The following SNED1 variants were observed in gnomAD, a reference collection of about 807,000 sequenced individuals.
SNED1 encodes the protein sushi, nidogen and EGF like domains 1.
Under a neutral mutation model 166.7 loss-of-function variants are expected in SNED1, and 81 were observed. That is an observed-to-expected ratio of 0.49 (90% CI 0.41 to 0.58). The LOEUF (loss-of-function observed/expected upper bound fraction) is 0.58, where lower values mean the gene tolerates loss of function less well. Ranked by LOEUF, SNED1 falls within the 20% of genes least tolerant of loss-of-function variation. The pLI, the probability that SNED1 is intolerant of heterozygous loss-of-function variation, is 0.00. For synonymous variants in SNED1, 762 were observed against 822.0 expected, an observed-to-expected ratio of 0.93 and a Z score of 1.25; for missense variants, 1,604 against 2,000.2, an observed-to-expected ratio of 0.80 and a Z score of 3.78.
intron 1 of SNED1, among the ~76,000 whole-genome samples, chr2:241,025,403 A>G (rs2060928417): frequency 6.6e-6 from 1 of 152,156 alleles, no homozygotes; most frequent in Admixed American, 6.5e-5. Context: ...CTTTTAACTT[A>G]TTAATATTCA....
chr2:241,033,342 C>T (rs1407425095), intron 2 of SNED1, among the ~76,000 whole-genome samples: 2 of 152,220 alleles, frequency 1.3e-5, no homozygotes, highest in Non-Finnish European at 2.9e-5. Context: ...CTGTTAAACG[C>T]TGCAGCACGG....
intron 1 of SNED1, among the ~76,000 whole-genome samples, chr2:241,002,825 G>A (rs982911989): frequency 8.6e-5 from 13 of 151,984 alleles, no homozygotes; most frequent in South Asian, 2.1e-4. Context: ...CCTCCCTGGC[G>A]CCCACCCATC....
intron 8 of SNED1, among the ~76,000 whole-genome samples, chr2:241,048,065 T>G (rs112561724): frequency 2.0e-5 from 3 of 152,326 alleles, no homozygotes; most frequent in Non-Finnish European, 2.9e-5. Context: ...CTCCGGTGCT[T>G]CTTGTTCTGT....
rs1361060476 is a variant in SNED1 at position 241,051,864 on chromosome 2, C to T, written c.1852+4C>T. On this transcript the variant is annotated splice_donor_region_variant and intron_variant, in intron 13 of 31. Transcript: ENST00000310397. The surrounding 1 kb of genome is among the most constrained non-coding windows in gnomAD (Gnocchi z 4.7). The stretch of plus-strand genomic sequence containing the variant: ...ACTGGGAGGCACTGTGAGATCGGTG[C>T]GGCCCCCAGGGGCAGGGGGGAGGGC... 1.3e-5 allele frequency: 20 copies of T among 1,536,414 alleles called. No homozygotes were observed. The highest frequency in any genetic ancestry group is 5.5e-5 in the African/African-American group (4 of 72,976).
At chr2:241,065,631 C>G in intron 21 of SNED1, 36 bp downstream of exon 21, 1 of 1,591,392 alleles carries the variant, frequency 6.3e-7, no homozygotes, top group Non-Finnish European at 8.6e-7. Flanking sequence ...CCTGCCCAGC[C>G]CCTGCCCCTC....
intron 30 of SNED1, 109 bp from the exon 31 acceptor site, chr2:241,088,256 T>C: frequency 1.3e-6 from 1 of 792,336 alleles, no homozygotes. Context: ...CCGTGGAATG[T>C]ATGTGAGCTA....
rs201554730 is a variant in SNED1, at chr2:241,036,793, C to A, written c.809C>A (p.Ser270Tyr). 1,733 of 1,608,146 alleles carry A rather than the reference C, an allele frequency of 1.1e-3. 1 individual carries two copies. The highest frequency in any genetic ancestry group is 1.2e-3 in the Non-Finnish European group (1,448 of 1,179,632). The part of the protein sequence containing the change: ...VRVGGCGHTT[S>Y]VCLALRPCLN... ...CAGCCCCTCCCTATGTCTGCAGCGTCCGTGTGCCTGGCCCTGCGCCCCTGC... is the reference window on the plus strand; with the variant it reads ...CAGCCCCTCCCTATGTCTGCAGCGTACGTGTGCCTGGCCCTGCGCCCCTGC... Residue 270 changes from serine to tyrosine, a missense_variant, in exon 5 of 32, where the codon TCC becomes TAC. Physicochemically the swap from Ser to Tyr is moderately radical, Grantham distance 144 (BLOSUM62 -2). This residue lies in a region of SNED1 where 1,237 missense variants were observed against 1,620.8 expected (regional missense o/e 0.76). Transcript: ENST00000310397.
chr2:240,998,223 C>A (rs1169415277), upstream of SNED1, among the ~76,000 whole-genome samples: 1 of 152,258 alleles, frequency 6.6e-6, no homozygotes, highest in Non-Finnish European at 1.5e-5. Context: ...GGAAGCCTGG[C>A]GTCCCCATGC....
chr2:241,021,023 TC>T (rs2060756426), intron 1 of SNED1, among the ~76,000 whole-genome samples: 1 of 152,128 alleles, frequency 6.6e-6, no homozygotes, highest in South Asian at 2.1e-4. Context: ...CACTTAAGCA[TC>T]CCCACTGCAA....
chr2:241,090,377 T>C (rs916905331), intron 31 of SNED1: 2 of 1,550,290 alleles, frequency 1.3e-6, no homozygotes, highest in Non-Finnish European at 1.7e-6. Flanking sequence ...TGCCTTCTTC[T>C]GGAAACCTCC....
intron 21 of SNED1, 66 bp from the exon 22 acceptor site, chr2:241,067,698 T>A (rs1372620307): frequency 7.1e-7 from 1 of 1,405,854 alleles, no homozygotes; most frequent in Non-Finnish European, 9.8e-7. Context: ...GGTTTCATCT[T>A]GAGCCCCTGC....
chr2:241,026,635 T>C (rs2060979445), intron 1 of SNED1, among the ~76,000 whole-genome samples: 1 of 152,242 alleles, frequency 6.6e-6, no homozygotes, highest in Admixed American at 6.5e-5. Flanking sequence ...TTTAGTTACT[T>C]ATATCGTATT....
At position 241,052,355 on chromosome 2, in the gene SNED1, C is replaced by T. The variant is rs1357507170; in HGVS notation, c.1970C>T (p.Ala657Val). Residue 657 changes from alanine (A) to valine (V), a missense_variant and splice_region_variant, in exon 15 of 32, where the codon GCC (alanine) becomes GTC (valine). Around this residue, in one of 2 missense-constraint regions of SNED1, gnomAD observed 1,237 missense variants for 1,620.8 expected, o/e 0.76. Transcript: ENST00000310397. ...PGFSGRHCEIAPSPCFRSPCV... is the reference protein window; with the variant it reads ...PGFSGRHCEIVPSPCFRSPCV... ...CCAGGACCTTCCTGCATTCTGGCAG[C>T]CCCCTCCCCCTGCTTCCGGAGCCCG... 1.3e-6 allele frequency: 2 copies of T among 1,570,142 alleles called. No individual in the cohort carries two copies. The highest frequency in any genetic ancestry group is 3.5e-5 in the Admixed American group (2 of 56,666).
At chr2:241,050,357 G>A (rs1302290465) in intron 12 of SNED1, among the ~76,000 whole-genome samples, 2 of 152,064 alleles carry the variant, frequency 1.3e-5, no homozygotes, top group East Asian at 1.9e-4. Context: ...AGCTATCCCC[G>A]CCAGGCCCCA....
At position 241,036,827 on chromosome 2, in the gene SNED1, C is replaced by T. The variant is rs975131636; in HGVS notation, c.843C>T (p.Gly281=). 3.1e-6 allele frequency: 5 copies of T among 1,610,828 alleles called. No homozygotes were observed. The African/African-American group carries it at 5.3e-5, about 17-fold the overall frequency. ...TGGCCCTGCGCCCCTGCCTCAACGG[C>T]GGCAAGTGCATCGACGACTGCGTCA... The part of the protein sequence containing the change: ...VCLALRPCLN[G]GKCIDDCVTG... The change falls in exon 5 of 32, where the codon GGC becomes GGT. Residue 281 remains glycine (G), a synonymous_variant. Transcript: ENST00000310397.
chr2:241,052,344 C>T lies in SNED1; in HGVS notation c.1970-11C>T. 6.4e-7 allele frequency: 1 copy of T among 1,564,466 alleles called. No individual in the cohort carries two copies. The highest frequency in any genetic ancestry group is 1.3e-5 in the African/African-American group (1 of 74,168). On this transcript the variant is annotated splice_polypyrimidine_tract_variant and intron_variant, in intron 14 of 31. Coordinates refer to ENST00000310397, the MANE Select transcript of SNED1 (RefSeq NM_001080437.3). ...AGACACAGTGGCCAGGACCTTCCTGCATTCTGGCAGCCCCCTCCCCCTGCT... is the reference window on the plus strand; with the variant it reads ...AGACACAGTGGCCAGGACCTTCCTGTATTCTGGCAGCCCCCTCCCCCTGCT...
intron 1 of SNED1, among the ~76,000 whole-genome samples, chr2:241,021,921 C>T (rs2060785560): frequency 1.3e-5 from 2 of 152,062 alleles, no homozygotes; most frequent in South Asian, 2.1e-4. Flanking sequence ...TTCTCATCAA[C>T]ACGGGTTATT....
intron 1 of SNED1, among the ~76,000 whole-genome samples, chr2:241,014,959 GGCTCTCCCTCCT>G (rs1167755206): frequency 6.6e-6 from 1 of 152,146 alleles, no homozygotes; most frequent in Non-Finnish European, 1.5e-5. Flanking sequence ...GCTGTTCCCG[GGCTCTCCCTCCT>G]GCTTCTCTGT....
At position 241,053,339 on chromosome 2, in the gene SNED1, G is replaced by T. The variant is rs764992366; in HGVS notation, c.2257+13G>T. The T allele has an allele frequency of 3.9e-6, 6 of 1,552,982 alleles. No homozygotes were observed. Among genetic ancestry groups the T allele is most frequent in the Non-Finnish European group, 5.2e-6 (6 of 1,147,136 alleles). On this transcript the variant is annotated intron_variant, in intron 16 of 31. Transcript: ENST00000310397. ...CCCCAGTGCCTTGGTGATTCTGTGG[G>T]CCCTTGGGGTGGGGCAGGTGGGGCC...
Sources: gnomAD v4.1 joint callset for allele counts (sites outside exome capture counted in the v4.1 genomes callset) on GRCh38, gnomAD v4.1.1 for gene constraint, gnomAD v4.1.1 regional missense constraint, Gnocchi (gnomAD v3.1) non-coding constraint, MANE v1.5 for transcripts, NCBI Gene and HGNC (gene_info 2026-07-23, HGNC 2026-07-21) for gene names.